Variants in SBF2 observed in about 807,000 individuals in gnomAD.
SBF2 encodes myotubularin-related protein 13.
In SBF2, 112 loss-of-function variants were observed where a neutral mutation model predicts 225.2. The observed-to-expected ratio is 0.50, with a 90% CI of 0.43 to 0.58. SBF2 has a LOEUF of 0.58. Among genes scored for constraint, SBF2 ranks in the 20% least tolerant of loss-of-function variants. The pLI is 0.00. For synonymous variants in SBF2, 763 were observed against 773.3 expected (o/e 0.99, Z 0.22); for missense variants, 1,996 against 2,206.2 (o/e 0.90, Z 1.91).
At chr11:9,839,444 C>A in intron 26 of SBF2, 54 bp downstream of exon 26, 1 of 1,555,166 alleles carries the variant, frequency 6.4e-7, no homozygotes, top group Non-Finnish European at 8.9e-7. Context: ...ATTAAAGATT[C>A]AAATAAGAAG....
chr11:10,133,397 G>A (rs185887459), intron 2 of SBF2, among the ~76,000 whole-genome samples: 1,796 of 149,502 alleles, frequency 0.012, 84 homozygotes, highest in Non-Finnish European at 0.019. Context: ...AGGAGCCCAT[G>A]GAGTGGGTGG....
intron 2 of SBF2, among the ~76,000 whole-genome samples, chr11:10,160,219 G>A (rs774627056): frequency 1.8e-4 from 28 of 151,884 alleles, no homozygotes; most frequent in Admixed American, 6.6e-4. Flanking sequence ...CAGTAAAGTC[G>A]TGAAATAAAA....
At chr11:9,885,426 T>C (rs1419795688) in intron 17 of SBF2, among the ~76,000 whole-genome samples, 2 of 152,122 alleles carry the variant, frequency 1.3e-5, no homozygotes, top group African/African-American at 4.8e-5. Context: ...TGTCTAATAC[T>C]TTCTTCCAAC....
In SBF2 at chr11:9,895,961, C is replaced by A; in HGVS notation, c.1911G>T (p.Leu637Phe). 6.2e-7 allele frequency: 1 copy of A among 1,612,782 alleles called. No homozygotes were observed. Among genetic ancestry groups the A allele is most frequent in the South Asian group, 1.1e-5 (1 of 90,980 alleles). The change falls in exon 17 of 40, where the codon TTG becomes TTT. Residue 637 changes from leucine to phenylalanine, a missense_variant. Leu to Phe is a conservative substitution (Grantham distance 22, BLOSUM62 0). Transcript: ENST00000256190. The part of the protein sequence containing the change: ...EYNIAAALLP[L>F]TSAFYRKLAP... ...AACTTACCCTATAGAAAGCACTGGT[C>A]AAAGGGAGTAATGCTGCGGCAATGT...
chr11:10,170,771 A>G (rs929704494), intron 2 of SBF2, among the ~76,000 whole-genome samples: 1 of 152,030 alleles, frequency 6.6e-6, no homozygotes, highest in Non-Finnish European at 1.5e-5. Context: ...TGATTCTTCC[A>G]ATCCATGAAC....
At chr11:9,784,129 C>T (rs1590074467) in intron 38 of SBF2, among the ~76,000 whole-genome samples, 2 of 152,234 alleles carry the variant, frequency 1.3e-5, no homozygotes, top group Middle Eastern at 6.8e-3. Flanking sequence ...GCTGCCTCTG[C>T]CTGCATGTAC....
At chr11:10,059,661 C>T (rs191191406) in intron 2 of SBF2, among the ~76,000 whole-genome samples, 153 of 152,030 alleles carry the variant, frequency 1.0e-3, no homozygotes, top group Non-Finnish European at 1.7e-3. Flanking sequence ...GTAAAAGAAC[C>T]GACATCATAC....
At chr11:10,087,121 T>C (rs1218558005) in intron 2 of SBF2, among the ~76,000 whole-genome samples, 1 of 152,158 alleles carries the variant, frequency 6.6e-6, no homozygotes, top group Non-Finnish European at 1.5e-5. Flanking sequence ...TTGTTTGTTG[T>C]GTAGGTCGGA....
chr11:10,228,750 A>G (rs1262492931), intron 1 of SBF2, among the ~76,000 whole-genome samples: 1 of 152,166 alleles, frequency 6.6e-6, no homozygotes, highest in South Asian at 2.1e-4. Context: ...TTTTGCATCA[A>G]TGTTCATCAA....
intron 1 of SBF2, among the ~76,000 whole-genome samples, chr11:10,285,658 A>C (rs1963711043): frequency 6.6e-6 from 1 of 152,238 alleles, no homozygotes. Context: ...AATCCTCTAG[A>C]GGGTATTTAA....
At chr11:10,020,747 G>A (rs540435714) in intron 6 of SBF2, among the ~76,000 whole-genome samples, 1 of 152,000 alleles carries the variant, frequency 6.6e-6, no homozygotes, top group Non-Finnish European at 1.5e-5. Flanking sequence ...TTTTTCCAGG[G>A]AAAGACAAAA....
chr11:10,193,483 T>C (rs924427188), intron 2 of SBF2, among the ~76,000 whole-genome samples: 2 of 151,366 alleles, frequency 1.3e-5, no homozygotes, highest in Admixed American at 1.3e-4. Flanking sequence ...GCCTCCTGAG[T>C]AGCTGGGACT....
At chr11:9,995,556 C>G (rs1010868476) in intron 9 of SBF2, among the ~76,000 whole-genome samples, 1 of 152,068 alleles carries the variant, frequency 6.6e-6, no homozygotes, top group African/African-American at 2.4e-5. Context: ...AGCTTATATA[C>G]TTGTGTGTCA....
At chr11:10,232,002 C>T (rs1001960624) in intron 1 of SBF2, among the ~76,000 whole-genome samples, 5 of 152,234 alleles carry the variant, frequency 3.3e-5, no homozygotes, top group African/African-American at 4.8e-5. Flanking sequence ...CAAGCCTTGG[C>T]AATGGCGGAC....
At chr11:10,162,691 A>G (rs918488695) in intron 2 of SBF2, among the ~76,000 whole-genome samples, 5 of 152,246 alleles carry the variant, frequency 3.3e-5, no homozygotes, top group African/African-American at 1.2e-4. Context: ...CTTATCTGGC[A>G]TGCAGTTAAA....
chr11:10,014,569 A>T (rs1948582999), intron 6 of SBF2, among the ~76,000 whole-genome samples: 1 of 150,986 alleles, frequency 6.6e-6, no homozygotes, highest in Non-Finnish European at 1.5e-5. Context: ...TCTCTTCCCA[A>T]AACTGTCCAA....
At chr11:9,805,351 G>A (rs1286370737) in intron 32 of SBF2, among the ~76,000 whole-genome samples, 1 of 151,824 alleles carries the variant, frequency 6.6e-6, no homozygotes, top group Non-Finnish European at 1.5e-5. Context: ...TCAAGGTGTT[G>A]CATGTGCCAG....
intron 2 of SBF2, among the ~76,000 whole-genome samples, chr11:10,112,791 A>C (rs1952938532): frequency 6.6e-6 from 1 of 152,202 alleles, no homozygotes. Context: ...ATAATATGAG[A>C]ATGTTCCTTA....
intron 2 of SBF2, among the ~76,000 whole-genome samples, chr11:10,179,337 A>G (rs1156454859): frequency 6.6e-6 from 1 of 151,914 alleles, no homozygotes; most frequent in Non-Finnish European, 1.5e-5. Context: ...TAAAACTTAA[A>G]GTATAATAAT....
Sources: allele counts gnomAD v4.1 joint callset (sites outside exome capture counted in the v4.1 genomes callset), GRCh38; gene constraint gnomAD v4.1.1; transcripts MANE v1.5; gene names NCBI Gene and HGNC (gene_info 2026-07-23, HGNC 2026-07-21).